The following SLC30A7 variants were observed in gnomAD, a reference collection of about 807,000 sequenced individuals.
The protein encoded by SLC30A7 is solute carrier family 30 member 7.
Under a neutral mutation model 46.0 loss-of-function variants are expected in SLC30A7, and 35 were observed. That is an observed-to-expected ratio of 0.76 (90% confidence interval 0.58 to 1.01). The LOEUF (loss-of-function observed/expected upper bound fraction) is 1.01. Ranked by LOEUF, SLC30A7 falls within the 50% of genes least tolerant of loss-of-function variation. The pLI, the probability that SLC30A7 is intolerant of heterozygous loss-of-function variation, is 0.00. For synonymous variants in SLC30A7, 147 were observed against 157.8 expected (o/e 0.93, Z 0.51); for missense variants, 464 against 451.1 (o/e 1.03, Z -0.26).
chr1:100,993,978 G>A, the SLC30A7 span, among the ~76,000 whole-genome samples: 4 of 151,900 alleles, frequency 2.6e-5, no homozygotes, highest in East Asian at 7.8e-4. Flanking sequence ...TGCTGACCTC[G>A]TGATCCACCT....
intron 6 of SLC30A7, among the ~76,000 whole-genome samples, chr1:100,915,576 T>A (rs542225833): frequency 1.3e-5 from 2 of 152,304 alleles, no homozygotes; most frequent in Non-Finnish European, 2.9e-5. Context: ...ATAATGTCCT[T>A]CAGGATCATT....
At chr1:100,931,454 C>T (rs1362085938) in intron 8 of SLC30A7, among the ~76,000 whole-genome samples, 2 of 152,116 alleles carry the variant, frequency 1.3e-5, no homozygotes. Context: ...AGGTTATCTC[C>T]TGGCCAATGA....
At chr1:100,964,920 A>C (rs1655784096) in intron 9 of SLC30A7, among the ~76,000 whole-genome samples, 1 of 152,234 alleles carries the variant, frequency 6.6e-6, no homozygotes, top group Non-Finnish European at 1.5e-5. Flanking sequence ...CACGGTAGAT[A>C]CTATCTCAGT....
At chr1:100,958,106 T>G (rs1333167675) in intron 8 of SLC30A7, among the ~76,000 whole-genome samples, 1 of 152,320 alleles carries the variant, frequency 6.6e-6, no homozygotes, top group East Asian at 1.9e-4. Flanking sequence ...TTTTTTTCTC[T>G]TTCTCCAACC....
At chr1:100,949,088 TGGA>T (rs1205428848) in intron 8 of SLC30A7, among the ~76,000 whole-genome samples, 5 of 152,240 alleles carry the variant, frequency 3.3e-5, no homozygotes, top group African/African-American at 1.2e-4. Flanking sequence ...TGCGATCCTT[TGGA>T]GGAGAAGAGG....
rs1167981039 is a variant in SLC30A7 at position 100,977,581 on chromosome 1, C to T, written c.*2724C>T. 2.6e-5 allele frequency: 4 copies of T among 152,064 alleles called. No individual in the cohort carries two copies. The highest frequency in any genetic ancestry group is 9.7e-5 in the African/African-American group (4 of 41,380). 9.4% of individuals were successfully genotyped at this position (152,064 alleles called of 1,614,324 possible). On this transcript the variant is annotated 3_prime_UTR_variant, in exon 11 of 11. Coordinates refer to ENST00000357650, the MANE Select transcript of SLC30A7 (RefSeq NM_133496.5). Reference sequence around the variant, plus strand: ...TACAATGTCCCTGATATTGAGCTAACTCTTAAAAAAACCAAACAAAACTCG... The same window carrying T: ...TACAATGTCCCTGATATTGAGCTAATTCTTAAAAAAACCAAACAAAACTCG...
intron 2 of SLC30A7, among the ~76,000 whole-genome samples, chr1:100,900,830 T>C (rs1306339718): frequency 3.3e-5 from 5 of 152,216 alleles, no homozygotes; most frequent in Non-Finnish European, 5.9e-5. Flanking sequence ...TTATTTTCAA[T>C]TTTGAACACG....
chr1:100,925,142 C>T (rs2101037466), intron 8 of SLC30A7, among the ~76,000 whole-genome samples: 1 of 152,336 alleles, frequency 6.6e-6, no homozygotes, highest in East Asian at 1.9e-4. Context: ...AACCTGAGAT[C>T]TTATTGTCGT....
intron 10 of SLC30A7, chr1:100,972,238 T>C (rs1203433882): frequency 3.3e-6 from 1 of 300,120 alleles, no homozygotes; most frequent in Non-Finnish European, 6.9e-6. Context: ...AGTAGGTGAC[T>C]TACCATAGGA....
At position 100,896,668 on chromosome 1, in the gene SLC30A7, A is replaced by T. The variant is rs1214805551; in HGVS notation, c.179A>T (p.Asn60Ile). 1 of 1,613,538 alleles carries T rather than the reference A, an allele frequency of 6.2e-7. No individual in the cohort carries two copies. The highest frequency in any genetic ancestry group is 1.3e-5 in the African/African-American group (1 of 74,880). Residue 60 changes from asparagine to isoleucine, a missense_variant, in exon 2 of 11, where the codon AAC (asparagine) becomes ATC (isoleucine). Physicochemically the swap from Asn to Ile is moderately radical, Grantham distance 149 (BLOSUM62 -3). Transcript: ENST00000357650. Reference protein sequence around the residue: ...FVELLYGIWSNCLGLISDSFH... With the variant: ...FVELLYGIWSICLGLISDSFH... ...GAACTACTCTACGGCATCTGGAGCA[A>T]CTGGTAACCAAAGGGGAAAATGGTT...
In SLC30A7 at chr1:100,896,657, C is replaced by G. The variant is rs746222357; in HGVS notation, c.168C>G (p.Gly56=). The change falls in exon 2 of 11, where the codon GGC becomes GGG. Residue 56 remains glycine, a synonymous_variant. Coordinates refer to ENST00000357650, the MANE Select transcript of SLC30A7 (RefSeq NM_133496.5). ...TCGCTTTTGTGGAACTACTCTACGG[C>G]ATCTGGAGCAACTGGTAACCAAAGG... ...LSFAFVELLY[G]IWSNCLGLIS... 5.0e-6 allele frequency: 8 copies of G among 1,613,862 alleles called. No individual in the cohort carries two copies. In the African/African-American group the frequency reaches 6.7e-5, roughly 13 times the overall value.
intron 8 of SLC30A7, among the ~76,000 whole-genome samples, chr1:100,927,073 C>T (rs977100440): frequency 4.6e-5 from 7 of 152,010 alleles, no homozygotes; most frequent in East Asian, 1.9e-4. Context: ...GTAACTGGAG[C>T]GCAATGAGCA....
chr1:100,916,381 T>G (rs1652550931), intron 6 of SLC30A7, among the ~76,000 whole-genome samples: 1 of 152,108 alleles, frequency 6.6e-6, no homozygotes, highest in East Asian at 1.9e-4. Context: ...GAGACGAGGT[T>G]TCACCGTGTT....
rs973884798 is a variant in SLC30A7, at chr1:100,978,340, A to T, written c.*3483A>T. The T allele has an allele frequency of 2.0e-5, 3 of 152,216 alleles. No individual in the cohort carries two copies. The highest frequency in any genetic ancestry group is 1.5e-5 in the Non-Finnish European group (1 of 68,032). The allele number at this position is 152,216 out of a possible 1,614,324, so 9.4% of individuals were successfully genotyped here. On this transcript the variant is annotated 3_prime_UTR_variant, in exon 11 of 11. Transcript: ENST00000357650. ...AAATGTATTTGATCACAGTTCTATA[A>T]TGTTTTTACCTACCTATTATGGAAT...
At chr1:100,959,326 G>C (rs1444301739) in intron 8 of SLC30A7, among the ~76,000 whole-genome samples, 1 of 152,162 alleles carries the variant, frequency 6.6e-6, no homozygotes, top group Non-Finnish European at 1.5e-5. Flanking sequence ...GATACATAAT[G>C]AAGTACCCAA....
At chr1:100,986,881 T>C in the SLC30A7 span, among the ~76,000 whole-genome samples, 1 of 152,204 alleles carries the variant, frequency 6.6e-6, no homozygotes, top group Admixed American at 6.5e-5. Context: ...TAAAGAACTT[T>C]ATAGTATTAA....
At chr1:100,927,865 G>A (rs1481756059) in intron 8 of SLC30A7, among the ~76,000 whole-genome samples, 1 of 150,704 alleles carries the variant, frequency 6.6e-6, no homozygotes, top group Admixed American at 6.6e-5. Flanking sequence ...CTAATCCACT[G>A]AGCCTATCTT....
At chr1:100,912,790 G>T (rs138412354) in intron 5 of SLC30A7, among the ~76,000 whole-genome samples, 1 of 151,704 alleles carries the variant, frequency 6.6e-6, no homozygotes, top group South Asian at 2.1e-4. Context: ...AGATGGGAGA[G>T]TCGCTTGAGC....
intron 10 of SLC30A7, among the ~76,000 whole-genome samples, chr1:100,971,129 A>C (rs989064852): frequency 1.3e-5 from 2 of 152,146 alleles, no homozygotes; most frequent in African/African-American, 4.8e-5. Context: ...TCAGGAAGAA[A>C]CCAAAAAGCC....
Sources: allele counts gnomAD v4.1 joint callset (sites outside exome capture counted in the v4.1 genomes callset), GRCh38; gene constraint gnomAD v4.1.1; transcripts MANE v1.5; gene names NCBI Gene and HGNC (gene_info 2026-07-23, HGNC 2026-07-21).